The following KALRN variants were observed in gnomAD, a reference collection of about 807,000 sequenced individuals.
The protein encoded by KALRN is kalirin.
A neutral mutation model predicts 353.7 loss-of-function variants in KALRN; 70 were observed. The observed-to-expected ratio is 0.20, with a 90% CI of 0.16 to 0.24. The LOEUF is 0.24. Among genes scored for constraint, KALRN ranks in the 10% least tolerant of loss-of-function variants. KALRN has a pLI of 1.00. For missense variants in KALRN, 2,791 were observed against 3,756.7 expected, an observed-to-expected ratio of 0.74 and a Z score of 6.72; for synonymous variants, 1,391 against 1,434.8, an observed-to-expected ratio of 0.97 and a Z score of 0.69.
intron 2 of KALRN, among the ~76,000 whole-genome samples, chr3:124,231,684 C>T (rs2079169173): frequency 6.6e-6 from 1 of 151,454 alleles, no homozygotes; most frequent in Admixed American, 6.6e-5. Flanking sequence ...TTTTAAGGCT[C>T]TGGGAAGTCC....
intron 10 of KALRN, among the ~76,000 whole-genome samples, chr3:124,351,442 G>A (rs2082824948): frequency 1.3e-5 from 2 of 152,110 alleles, no homozygotes; most frequent in Admixed American, 1.3e-4. Context: ...TAATGAGAAA[G>A]GAATTCTGAG....
chr3:124,584,792 C>T, intron 34 of KALRN: 1 of 1,585,820 alleles, frequency 6.3e-7, no homozygotes, highest in East Asian at 2.3e-5. Context: ...CGCCCCGTGC[C>T]ATGCGGGAGC....
intron 56 of KALRN, among the ~76,000 whole-genome samples, chr3:124,701,449 G>A (rs759744151): frequency 2.1e-5 from 3 of 144,020 alleles, no homozygotes; most frequent in East Asian, 2.0e-4. Flanking sequence ...GTGCAGTGGC[G>A]CGATCATAGC....
At chr3:124,234,533 T>A (rs2079528916) in intron 2 of KALRN, among the ~76,000 whole-genome samples, 1 of 152,230 alleles carries the variant, frequency 6.6e-6, no homozygotes, top group Non-Finnish European at 1.5e-5. Context: ...GCTTTACTTT[T>A]CCAAGTGCAT....
intron 1 of KALRN, among the ~76,000 whole-genome samples, chr3:124,185,462 T>C (rs545668185): frequency 2.6e-5 from 4 of 152,346 alleles, no homozygotes; most frequent in Admixed American, 2.6e-4. Context: ...TCTTCCCTGC[T>C]ACCTTTGTCT....
At chr3:124,103,339 G>A (rs1021890423) in intron 1 of KALRN, among the ~76,000 whole-genome samples, 4 of 152,134 alleles carry the variant, frequency 2.6e-5, no homozygotes, top group Non-Finnish European at 5.9e-5. Context: ...CACTTGCCCA[G>A]ATATGGCATG....
rs189940692 is a variant in KALRN at position 124,267,045 on chromosome 3, G to A, written c.457-1698G>A. On this transcript the variant is annotated intron_variant, in intron 4 of 59. Coordinates refer to ENST00000682506, the MANE Select transcript of KALRN (RefSeq NM_001388419.1). ...TCTCTGCCTCCTAAATAAGAGGATA[G>A]GAGAGATAGCTGGGGGCCTCCCAAT... Among the ~76,000 whole-genome samples, 35 of 152,246 alleles carry A rather than the reference G, an allele frequency of 2.3e-4. 1 individual carries two copies. The highest frequency in any genetic ancestry group is 8.4e-4 in the African/African-American group (35 of 41,550).
chr3:124,685,502 G>A (rs993838545), intron 51 of KALRN, among the ~76,000 whole-genome samples: 6 of 152,208 alleles, frequency 3.9e-5, no homozygotes, highest in Admixed American at 3.3e-4. Context: ...TGCTTTGAGA[G>A]ACCAAACTTA....
At chr3:124,199,081 C>T (rs1481588402) in intron 1 of KALRN, among the ~76,000 whole-genome samples, 1 of 152,232 alleles carries the variant, frequency 6.6e-6, no homozygotes, top group Admixed American at 6.5e-5. Flanking sequence ...GATAGGGAGA[C>T]TTTGAAGCCG....
intron 45 of KALRN, among the ~76,000 whole-genome samples, chr3:124,662,194 T>C (rs2084967399): frequency 3.7e-5 from 1 of 26,686 alleles, no homozygotes; most frequent in Admixed American, 3.5e-4. Context: ...CCCAGAATTC[T>C]TTTTTTTTTT....
chr3:124,507,236 CG>C (rs2065332677), intron 33 of KALRN, among the ~76,000 whole-genome samples: 1 of 152,118 alleles, frequency 6.6e-6, no homozygotes, highest in Non-Finnish European at 1.5e-5. Context: ...AAAATGAGAA[CG>C]GTCACGGTTC....
intron 6 of KALRN, among the ~76,000 whole-genome samples, chr3:124,319,131 G>GC (rs2149357680): frequency 6.6e-6 from 1 of 151,878 alleles, no homozygotes; most frequent in East Asian, 1.9e-4. Context: ...CAACTTTGAT[G>GC]GAGTGCAACC....
chr3:124,542,925 G>C (rs332412), intron 33 of KALRN, among the ~76,000 whole-genome samples: 27,695 of 152,180 alleles, frequency 0.18, 3,237 homozygotes, highest in African/African-American at 0.31. Context: ...AGGGTTTCTT[G>C]TGAGGCGGTA....
At chr3:124,136,419 C>A (rs1416222777) in intron 1 of KALRN, among the ~76,000 whole-genome samples, 3 of 152,112 alleles carry the variant, frequency 2.0e-5, no homozygotes, top group Non-Finnish European at 2.9e-5. Context: ...TATGAGAGCC[C>A]CTGATCCTTT....
intron 11 of KALRN, among the ~76,000 whole-genome samples, chr3:124,385,906 C>G (rs1048041204): frequency 6.6e-6 from 1 of 152,040 alleles, no homozygotes; most frequent in Non-Finnish European, 1.5e-5. Flanking sequence ...TGTCCCCCCC[C>G]AGGAATTCCC....
chr3:124,150,816 A>G (rs2067995396), intron 1 of KALRN, among the ~76,000 whole-genome samples: 1 of 152,234 alleles, frequency 6.6e-6, no homozygotes, highest in Non-Finnish European at 1.5e-5. Context: ...ACACAGATCA[A>G]TAACATTATG....
chr3:124,571,037 C>G (rs2073455709), intron 34 of KALRN, among the ~76,000 whole-genome samples: 1 of 152,156 alleles, frequency 6.6e-6, no homozygotes, highest in African/African-American at 2.4e-5. Flanking sequence ...GCACTGAAAT[C>G]CAAACACTTT....
intron 5 of KALRN, among the ~76,000 whole-genome samples, chr3:124,272,273 A>C (rs1214095758): frequency 1.3e-5 from 2 of 152,228 alleles, no homozygotes; most frequent in Non-Finnish European, 2.9e-5. Context: ...ATAATCCTGA[A>C]GTAGTGATGA....
chr3:124,367,995 A>C (rs2149756320), intron 10 of KALRN, among the ~76,000 whole-genome samples: 1 of 26,702 alleles, frequency 3.7e-5, no homozygotes, highest in Admixed American at 2.9e-4. Flanking sequence ...GCGGCCGGGC[A>C]GAGGCGCCCC....
Sources: gnomAD v4.1 joint callset for allele counts (sites outside exome capture counted in the v4.1 genomes callset) on GRCh38, gnomAD v4.1.1 for gene constraint, MANE v1.5 for transcripts, NCBI Gene and HGNC (gene_info 2026-07-23, HGNC 2026-07-21) for gene names.